The following SERPINB7 variants were observed in gnomAD, a reference collection of about 807,000 sequenced individuals.
SERPINB7 encodes the protein serpin B7.
In SERPINB7, 31 loss-of-function variants were observed where a neutral mutation model predicts 37.4. The observed-to-expected ratio is 0.83, with a 90% CI of 0.62 to 1.12. The LOEUF is 1.12. Ranked by LOEUF, SERPINB7 falls within the 50% of genes most tolerant of loss-of-function variation. The pLI is 0.00. For missense variants in SERPINB7, 521 were observed against 455.3 expected (o/e 1.14, Z -1.31); for synonymous variants, 163 against 166.1 (o/e 0.98, Z 0.14).
At chr18:63,775,944 T>C (rs1043927159) in intron 1 of SERPINB7, among the ~76,000 whole-genome samples, 1 of 152,082 alleles carries the variant, frequency 6.6e-6, no homozygotes, top group Non-Finnish European at 1.5e-5. Context: ...TGGATTCTGC[T>C]GGAGAGAACA....
chr18:63,760,354 G>A (rs773083325), intron 1 of SERPINB7, among the ~76,000 whole-genome samples: 10 of 152,306 alleles, frequency 6.6e-5, no homozygotes, highest in Admixed American at 4.6e-4. Context: ...CAAAGCATTC[G>A]AGAGGTGACT....
rs145988025 is a variant in SERPINB7, at chr18:63,759,794, C to T, written c.-19+6674C>T. The stretch of plus-strand genomic sequence containing the variant: ...ATCGTATGAGTTTATCAGGGGTTTC[C>T]GCTCTTGCTTCTTCCTCATTTTCTC... On this transcript the variant is annotated intron_variant, in intron 1 of 7. Coordinates refer to the SERPINB7 transcript ENST00000336429. 1.6e-3 allele frequency among the ~76,000 whole-genome samples: 236 copies of T among 152,254 alleles called. 3 individuals carry two copies. Among genetic ancestry groups the T allele is most frequent in the African/African-American group, 4.8e-3 (200 of 41,536 alleles).
chr18:63,762,780 T>C (rs1389316988), intron 1 of SERPINB7, among the ~76,000 whole-genome samples: 2 of 152,236 alleles, frequency 1.3e-5, no homozygotes, highest in Non-Finnish European at 2.9e-5. Context: ...TCATTTAATG[T>C]GATGACATCT....
intron 2 of SERPINB7, among the ~76,000 whole-genome samples, chr18:63,786,157 ACACACACACCAGCATGGCACATGG>A (rs1198210911): frequency 4.5e-5 from 3 of 66,492 alleles, no homozygotes; most frequent in Non-Finnish European, 1.3e-4. Flanking sequence ...ACACACACAC[ACACACACACCAGCATGGCACATGG>A]CACACACACA....
chr18:63,795,989 G>A (rs182545791), intron 4 of SERPINB7, among the ~76,000 whole-genome samples: 25 of 152,262 alleles, frequency 1.6e-4, no homozygotes, highest in Non-Finnish European at 3.5e-4. Context: ...GAACGCAGTG[G>A]TAAAAGGGTG....
chr18:63,766,189 G>A (rs2049179694), intron 1 of SERPINB7, among the ~76,000 whole-genome samples: 1 of 151,614 alleles, frequency 6.6e-6, no homozygotes, highest in African/African-American at 2.4e-5. Flanking sequence ...CTAGACACAT[G>A]TTCCTCCCCA....
chr18:63,763,360 G>A (rs1405319203), intron 1 of SERPINB7, among the ~76,000 whole-genome samples: 1 of 152,082 alleles, frequency 6.6e-6, no homozygotes, highest in African/African-American at 2.4e-5. Context: ...ACTGTTCTTA[G>A]AATTTCTGCT....
Position 63,793,264 on chromosome 18 carries a change from A to G in SERPINB7, c.323A>G (p.Tyr108Cys), listed in dbSNP as rs750088730. 5.7e-6 allele frequency: 9 copies of G among 1,579,944 alleles called. No homozygotes were observed. Among genetic ancestry groups the G allele is most frequent in the Admixed American group, 3.4e-5 (2 of 58,402 alleles). ...AATGGGCTTTTTGCTGAAAAAGTGT[A>G]TGGCTTTCATAAGGTAAGTGAAACT... ...IVNGLFAEKV[Y>C]GFHKDYIECA... Residue 108 changes from tyrosine (Y) to cysteine (C), a missense_variant, in exon 4 of 8, where the codon TAT becomes TGT. Coordinates refer to ENST00000398019, the MANE Select transcript of SERPINB7 (RefSeq NM_003784.4).
chr18:63,772,556 A>G (rs1433645846), upstream of SERPINB7, among the ~76,000 whole-genome samples: 22 of 152,130 alleles, frequency 1.4e-4, no homozygotes, highest in Admixed American at 1.4e-3. Flanking sequence ...TGATGATAAA[A>G]TAATTTAGGA....
chr18:63,764,404 A>T (rs563139397), intron 1 of SERPINB7, among the ~76,000 whole-genome samples: 2 of 152,306 alleles, frequency 1.3e-5, no homozygotes, highest in Admixed American at 6.5e-5. Flanking sequence ...GAAGGAACTC[A>T]GGTTTCTGCT....
intron 2 of SERPINB7, among the ~76,000 whole-genome samples, chr18:63,782,997 G>C (rs1720849): frequency 0.14 from 20,647 of 151,240 alleles, 2,361 homozygotes; most frequent in East Asian, 0.44. Context: ...AATTAGCCGG[G>C]CATGGTGGCG....
At chr18:63,761,684 TA>T (rs2049154864) in intron 1 of SERPINB7, among the ~76,000 whole-genome samples, 1 of 152,186 alleles carries the variant, frequency 6.6e-6, no homozygotes, top group Non-Finnish European at 1.5e-5. Flanking sequence ...TGATAGTGAA[TA>T]AGTCTCACAA....
intron 1 of SERPINB7, among the ~76,000 whole-genome samples, chr18:63,756,598 A>G (rs1042615925): frequency 2.6e-5 from 4 of 152,196 alleles, no homozygotes; most frequent in African/African-American, 7.2e-5. Flanking sequence ...CCATCCTGGT[A>G]GAGATCAGGG....
rs2049590444 is a variant in SERPINB7, at chr18:63,804,768, G to A, written c.*133G>A. The A allele has an allele frequency of 1.1e-6, 1 of 893,716 alleles. No homozygotes were observed. The highest frequency in any genetic ancestry group is 1.7e-5 in the African/African-American group (1 of 58,864). The allele number at this position is 893,716 out of a possible 1,614,324, so 55.4% of individuals were successfully genotyped here. A position where few individuals can be genotyped will look rare whatever the true frequency, so the allele number is the denominator to read the frequency against. ...TTCTTCCTAACATTGGTCAGCAGAT[G>A]ACACTGGTGACTTGACCCTTCCTAG... On this transcript the variant is annotated 3_prime_UTR_variant, in exon 8 of 8. Transcript: ENST00000398019.
chr18:63,792,364 T>C (rs1182770379), intron 2 of SERPINB7, 29 bp from the exon 3 acceptor site: 4 of 1,541,144 alleles, frequency 2.6e-6, no homozygotes, highest in South Asian at 2.3e-5. Flanking sequence ...CTGATTCTAA[T>C]GATTGCTTTC....
At chr18:63,770,179 T>C (rs2144593790) in intron 1 of SERPINB7, among the ~76,000 whole-genome samples, 1 of 150,948 alleles carries the variant, frequency 6.6e-6, no homozygotes, top group South Asian at 2.1e-4. Context: ...AGTGGGGTTA[T>C]TATCATCCAA....
intron 1 of SERPINB7, among the ~76,000 whole-genome samples, chr18:63,782,104 G>A (rs1487115711): frequency 6.6e-6 from 1 of 152,036 alleles, no homozygotes; most frequent in African/African-American, 2.4e-5. Context: ...TCTGCTTGGG[G>A]GTTGGAAACA....
intron 1 of SERPINB7, among the ~76,000 whole-genome samples, chr18:63,759,169 A>G (rs1180281858): frequency 6.6e-6 from 1 of 151,968 alleles, no homozygotes; most frequent in Admixed American, 6.5e-5. Context: ...ATTTTAATGC[A>G]TCTCATTTTT....
chr18:63,783,859 A>G (rs780370372), intron 2 of SERPINB7, among the ~76,000 whole-genome samples: 4 of 152,218 alleles, frequency 2.6e-5, no homozygotes, highest in Non-Finnish European at 5.9e-5. Context: ...GTCATACCTC[A>G]GGTCATATGG....
Sources: gnomAD v4.1 joint callset for allele counts (sites outside exome capture counted in the v4.1 genomes callset) on GRCh38, gnomAD v4.1.1 for gene constraint, MANE v1.5 for transcripts, NCBI Gene and HGNC (gene_info 2026-07-23, HGNC 2026-07-21) for gene names.